The following ACACA variants were observed in gnomAD, a reference collection of about 807,000 sequenced individuals.
The protein encoded by ACACA is acetyl-CoA carboxylase alpha.
ACACA carries 103 observed loss-of-function variants against 296.1 expected under a neutral mutation model. That is an observed-to-expected ratio of 0.35 (90% CI 0.30 to 0.41). The LOEUF (loss-of-function observed/expected upper bound fraction) is 0.41, where lower values mean the gene tolerates loss of function less well. Ranked by LOEUF, ACACA falls within the 10% of genes least tolerant of loss-of-function variation. The pLI is 1.00. For synonymous variants in ACACA, 953 were observed against 1,038.6 expected (o/e 0.92, Z 1.58); for missense variants, 1,554 against 2,989.7 (o/e 0.52, Z 11.20).
At chr17:37,099,258 C>T (rs1344385005) in intron 52 of ACACA, among the ~76,000 whole-genome samples, 1 of 152,148 alleles carries the variant, frequency 6.6e-6, no homozygotes, top group Non-Finnish European at 1.5e-5. Context: ...GGATGCCCAA[C>T]TCTACCTCTT....
chr17:37,340,286 T>G (rs1051402192), intron 1 of ACACA, among the ~76,000 whole-genome samples: 1 of 152,134 alleles, frequency 6.6e-6, no homozygotes, highest in Non-Finnish European at 1.5e-5. Context: ...GAAGACAGAG[T>G]GCCCATTATA....
intron 45 of ACACA, among the ~76,000 whole-genome samples, chr17:37,132,437 C>T (rs7219671): frequency 0.28 from 42,379 of 152,080 alleles, 7,400 homozygotes; most frequent in African/African-American, 0.48. Context: ...GTTTTATGGT[C>T]GTCATAAACC....
At chr17:37,170,089 CA>C (rs1401623036) in intron 41 of ACACA, among the ~76,000 whole-genome samples, 1 of 151,992 alleles carries the variant, frequency 6.6e-6, no homozygotes, top group Non-Finnish European at 1.5e-5. Flanking sequence ...AATTTCAGAT[CA>C]TTTTTCATAA....
chr17:37,089,155 T>G (rs1329086621), intron 54 of ACACA, 81 bp from the exon 55 acceptor site: 1 of 1,589,318 alleles, frequency 6.3e-7, no homozygotes, highest in Non-Finnish European at 8.6e-7. Context: ...CTGGAGTGCT[T>G]GCTTACTCCA....
At chr17:37,121,587 C>T in intron 49 of ACACA, 97 bp from the exon 50 acceptor site, 1 of 1,488,572 alleles carries the variant, frequency 6.7e-7, no homozygotes, top group Non-Finnish European at 9.3e-7. Context: ...AAACTGAAAA[C>T]TAAAAATCAG....
intron 1 of ACACA, among the ~76,000 whole-genome samples, chr17:37,377,195 G>A (rs570685460): frequency 6.6e-6 from 1 of 152,102 alleles, no homozygotes; most frequent in African/African-American, 2.4e-5. Context: ...CAGAATAGGA[G>A]GGAGAAGAGA....
At chr17:37,310,716 A>G (rs1002762801) in intron 3 of ACACA, among the ~76,000 whole-genome samples, 5 of 148,442 alleles carry the variant, frequency 3.4e-5, no homozygotes, top group African/African-American at 7.5e-5. Context: ...AATCACTTGA[A>G]CCCAGAGGCA....
chr17:37,087,467 GAA>G (rs1234289318), intron 55 of ACACA, 28 bp from the exon 56 acceptor site: 3 of 1,613,940 alleles, frequency 1.9e-6, no homozygotes, highest in Non-Finnish European at 1.7e-6. Flanking sequence ...GAATGGTGAA[GAA>G]AAGAGAAGCA....
Position 37,245,212 on chromosome 17 carries a change from T to C in ACACA, c.2463A>G (p.Val821=), listed in dbSNP as rs754148834. The C allele has an allele frequency of 6.2e-7, 1 of 1,613,736 alleles. No homozygotes were observed. Among genetic ancestry groups the C allele is most frequent in the Non-Finnish European group, 8.5e-7 (1 of 1,179,776 alleles). ...FAGQCYAEIE[V]MKMVMTLTAV... The stretch of plus-strand genomic sequence containing the variant: ...CTGTTAAGGTCATTACCATCTTCAT[T>C]ACCTATAGTGAAAAATAAACTAGAC... The change falls in exon 20 of 56, where the codon GTA becomes GTG. Residue 821 remains valine (V), a splice_region_variant and synonymous_variant. Transcript: ENST00000616317.
chr17:37,274,254 A>G lies in ACACA; in HGVS notation c.947T>C (p.Leu316Ser). 1 of 1,614,184 alleles carries G rather than the reference A, an allele frequency of 6.2e-7. No homozygotes were observed. Among genetic ancestry groups the G allele is most frequent in the Non-Finnish European group, 8.5e-7 (1 of 1,180,028 alleles). The change falls in exon 9 of 56, where the codon TTA becomes TCA. Residue 316 changes from leucine (L) to serine (S), a missense_variant. Coordinates refer to ENST00000616317, the MANE Select transcript of ACACA (RefSeq NM_198834.3). ...TTCATATAGCTCCTGGGGAACATTT[A>G]AGATACGTTTTGAAAAATCATTTTC... ...WQENDFSKRI[L>S]NVPQELYEKG...
intron 43 of ACACA, among the ~76,000 whole-genome samples, chr17:37,154,261 C>T (rs1040631425): frequency 6.6e-6 from 1 of 152,070 alleles, no homozygotes; most frequent in Non-Finnish European, 1.5e-5. Context: ...GACCTATGAT[C>T]ACACCACTGC....
At chr17:37,218,308 T>C (rs1363363743) in intron 29 of ACACA, among the ~76,000 whole-genome samples, 1 of 152,192 alleles carries the variant, frequency 6.6e-6, no homozygotes, top group Admixed American at 6.5e-5. Flanking sequence ...ATAGAATACG[T>C]GCTAAATTTC....
intron 29 of ACACA, among the ~76,000 whole-genome samples, chr17:37,215,656 G>T (rs139959304): frequency 6.6e-6 from 1 of 152,038 alleles, no homozygotes. Context: ...AAGGTCAAAT[G>T]AGTCAATGAA....
chr17:37,223,617 A>G lies in ACACA; in HGVS notation c.3475-16T>C, dbSNP rs747403617. The G allele has an allele frequency of 1.3e-6, 2 of 1,546,342 alleles. No individual in the cohort carries two copies. The highest frequency in any genetic ancestry group is 1.7e-5 in the Admixed American group (1 of 59,932). ...GGATGAGTTTCTAGAAGATACAAAG[A>G]CAGGCTTAAGCCTTACATCAAAAGG... On this transcript the variant is annotated splice_polypyrimidine_tract_variant and intron_variant, in intron 27 of 55. Transcript: ENST00000616317.
At chr17:37,350,289 C>T (rs2048837266) in intron 1 of ACACA, among the ~76,000 whole-genome samples, 1 of 150,976 alleles carries the variant, frequency 6.6e-6, no homozygotes, top group Non-Finnish European at 1.5e-5. Context: ...CATAATTGCA[C>T]CACTGTACTC....
chr17:37,338,883 T>A (rs1295416781), intron 2 of ACACA, among the ~76,000 whole-genome samples: 1 of 150,088 alleles, frequency 6.7e-6, no homozygotes, highest in Non-Finnish European at 1.5e-5. Flanking sequence ...GAGGTTGCAG[T>A]GTGCCGAGAT....
intron 1 of ACACA, among the ~76,000 whole-genome samples, chr17:37,351,077 T>C (rs188236339): frequency 1.6e-3 from 246 of 152,228 alleles, no homozygotes; most frequent in Non-Finnish European, 9.1e-4. Flanking sequence ...GAGGTGGAGA[T>C]TGCAGTGCGC....
intron 1 of ACACA, among the ~76,000 whole-genome samples, chr17:37,372,939 G>A (rs954943579): frequency 1.2e-4 from 18 of 151,768 alleles, no homozygotes; most frequent in African/African-American, 4.4e-4. Context: ...GGAGTGCAGT[G>A]GTGCAATCTC....
At chr17:37,093,218 G>C (rs950764974) in intron 54 of ACACA, among the ~76,000 whole-genome samples, 2 of 152,198 alleles carry the variant, frequency 1.3e-5, no homozygotes, top group Non-Finnish European at 2.9e-5. Context: ...AGGGGCCTCT[G>C]TTGAGCATTC....
Sources: gnomAD v4.1 joint callset for allele counts (sites outside exome capture counted in the v4.1 genomes callset) on GRCh38, gnomAD v4.1.1 for gene constraint, MANE v1.5 for transcripts, NCBI Gene and HGNC (gene_info 2026-07-23, HGNC 2026-07-21) for gene names.